Variants in ASTN2 observed in about 807,000 individuals in gnomAD.
ASTN2 encodes astrotactin 2.
In ASTN2, 54 loss-of-function variants were observed where a neutral mutation model predicts 139.8. That is an observed-to-expected ratio of 0.39 (90% confidence interval 0.31 to 0.48). The LOEUF (loss-of-function observed/expected upper bound fraction) is 0.48, where lower values mean the gene tolerates loss of function less well. Ranked by LOEUF, ASTN2 falls within the 20% of genes least tolerant of loss-of-function variation. The pLI is 0.95. For synonymous variants in ASTN2, 756 were observed against 719.5 expected, an observed-to-expected ratio of 1.05 and a Z score of -0.81; for missense variants, 1,565 against 1,725.1, an observed-to-expected ratio of 0.91 and a Z score of 1.64.
chr9:117,109,892 G>A (rs1418365463), intron 4 of ASTN2, among the ~76,000 whole-genome samples: 2 of 151,992 alleles, frequency 1.3e-5, no homozygotes, highest in African/African-American at 4.8e-5. Context: ...TCATCTTTTA[G>A]TTTCCTATAC....
At chr9:117,225,537 A>ATGTATGTATG (rs1460719604) in intron 2 of ASTN2, among the ~76,000 whole-genome samples, 1 of 24,424 alleles carries the variant, frequency 4.1e-5, no homozygotes, top group Non-Finnish European at 6.9e-5. Context: ...AGCTGTATGT[A>ATGTATGTATG]TATATATATA....
chr9:116,956,437 A>G (rs1588439688), intron 10 of ASTN2, among the ~76,000 whole-genome samples: 1 of 147,496 alleles, frequency 6.8e-6, no homozygotes, highest in Admixed American at 6.8e-5. Context: ...TTTTTCATAT[A>G]TATTATATAT....
At chr9:116,820,827 T>C (rs752986099) in intron 11 of ASTN2, 44 bp from the exon 12 acceptor site, 14 of 1,571,428 alleles carry the variant, frequency 8.9e-6, no homozygotes. Context: ...CTTGGGAGGT[T>C]GTAGGCCCCA....
At chr9:116,756,681 G>A (rs1829540176) in intron 13 of ASTN2, among the ~76,000 whole-genome samples, 1 of 151,752 alleles carries the variant, frequency 6.6e-6, no homozygotes, top group Middle Eastern at 3.2e-3. Context: ...ATCAGCAGCT[G>A]GAAAGTTAGC....
intron 6 of ASTN2, among the ~76,000 whole-genome samples, chr9:117,036,529 C>G (rs1279991180): frequency 2.0e-5 from 3 of 152,134 alleles, no homozygotes; most frequent in Non-Finnish European, 4.4e-5. Flanking sequence ...ATTAACCAAT[C>G]CAGAACCTAC....
intron 3 of ASTN2, among the ~76,000 whole-genome samples, chr9:117,213,726 C>T (rs1408858483): frequency 6.6e-6 from 1 of 152,104 alleles, no homozygotes; most frequent in Non-Finnish European, 1.5e-5. Context: ...ATCATTCCTG[C>T]CTTGAGGAAG....
At chr9:116,927,735 G>A (rs1834794362) in intron 10 of ASTN2, among the ~76,000 whole-genome samples, 1 of 152,170 alleles carries the variant, frequency 6.6e-6, no homozygotes, top group South Asian at 2.1e-4. Context: ...TCTCGGGGCT[G>A]GAGGTGGGGG....
At chr9:117,116,412 C>A (rs1829391883) in intron 4 of ASTN2, among the ~76,000 whole-genome samples, 1 of 152,080 alleles carries the variant, frequency 6.6e-6, no homozygotes, top group Admixed American at 6.6e-5. Flanking sequence ...ACTTTTGAAG[C>A]ATGATGGAGG....
intron 5 of ASTN2, among the ~76,000 whole-genome samples, chr9:117,076,317 T>G (rs1032410440): frequency 6.6e-6 from 1 of 151,726 alleles, no homozygotes; most frequent in African/African-American, 2.4e-5. Context: ...GACTGCGTGA[T>G]TAGAATAAGA....
intron 1 of ASTN2, among the ~76,000 whole-genome samples, chr9:117,412,427 G>T (rs1831194322): frequency 6.6e-6 from 1 of 152,112 alleles, no homozygotes; most frequent in Non-Finnish European, 1.5e-5. Flanking sequence ...ATGGGTCCTG[G>T]GGGAATCAAG....
intron 4 of ASTN2, among the ~76,000 whole-genome samples, chr9:117,112,876 G>A (rs1829284369): frequency 6.6e-6 from 1 of 152,122 alleles, no homozygotes; most frequent in African/African-American, 2.4e-5. Flanking sequence ...ATCTGACAAA[G>A]TATGTTTATA....
At chr9:117,172,741 G>T (rs1489121196) in intron 3 of ASTN2, among the ~76,000 whole-genome samples, 1 of 152,244 alleles carries the variant, frequency 6.6e-6, no homozygotes, top group Non-Finnish European at 1.5e-5. Context: ...CTGCTGAGAT[G>T]ATTTCATTCA....
chr9:116,663,180 G>A (rs930851683), intron 16 of ASTN2, among the ~76,000 whole-genome samples: 6 of 152,166 alleles, frequency 3.9e-5, no homozygotes, highest in South Asian at 2.1e-4. Context: ...CAAGGCTTAC[G>A]GAATTGGAGG....
chr9:116,700,898 A>G (rs1316309743), intron 16 of ASTN2: 2 of 166,996 alleles, frequency 1.2e-5, no homozygotes, highest in Admixed American at 6.5e-5. Context: ...CAAAAGCACT[A>G]TTATGTAAAG....
chr9:116,848,771 C>A (rs1356505694), intron 11 of ASTN2, among the ~76,000 whole-genome samples: 1 of 152,154 alleles, frequency 6.6e-6, no homozygotes, highest in Non-Finnish European at 1.5e-5. Flanking sequence ...TGGCAGCAAC[C>A]AGTTCTCTGG....
intron 10 of ASTN2, among the ~76,000 whole-genome samples, chr9:116,916,653 C>T (rs1442866398): frequency 2.0e-5 from 3 of 151,908 alleles, no homozygotes; most frequent in Non-Finnish European, 4.4e-5. Flanking sequence ...TTGAGACCAG[C>T]AACAAAGTGA....
At chr9:117,012,859 T>G (rs1032717137) in intron 6 of ASTN2, among the ~76,000 whole-genome samples, 2 of 152,242 alleles carry the variant, frequency 1.3e-5, no homozygotes, top group African/African-American at 2.4e-5. Context: ...ATATGTGCTG[T>G]GCTAGAGTGT....
chr9:116,598,062 C>G (rs1854679240), intron 19 of ASTN2, among the ~76,000 whole-genome samples: 1 of 152,098 alleles, frequency 6.6e-6, no homozygotes, highest in Non-Finnish European at 1.5e-5. Context: ...CCACCCTCAC[C>G]TTTTCCCACT....
chr9:116,965,211 G>A (rs1020571951), intron 10 of ASTN2, among the ~76,000 whole-genome samples: 3 of 152,294 alleles, frequency 2.0e-5, no homozygotes, highest in African/African-American at 4.8e-5. Flanking sequence ...ATGTAGGCTC[G>A]GTTAATGGCT....
Sources: allele counts gnomAD v4.1 joint callset (sites outside exome capture counted in the v4.1 genomes callset), GRCh38; gene constraint gnomAD v4.1.1; transcripts MANE v1.5; gene names NCBI Gene and HGNC (gene_info 2026-07-23, HGNC 2026-07-21).